Variants in FILIP1L observed in about 807,000 individuals in gnomAD.
FILIP1L encodes filamin A interacting protein 1 like.
A neutral mutation model predicts 96.6 loss-of-function variants in FILIP1L; 55 were observed. That is an observed-to-expected ratio of 0.57 (90% CI 0.46 to 0.71). The LOEUF (loss-of-function observed/expected upper bound fraction) is 0.71. Among genes scored for constraint, FILIP1L ranks in the 30% least tolerant of loss-of-function variants. FILIP1L has a pLI of 0.00. For missense variants in FILIP1L, 1,304 were observed against 1,321.2 expected (o/e 0.99, Z 0.20); for synonymous variants, 467 against 473.9 (o/e 0.99, Z 0.19).
Position 99,924,317 on chromosome 3 carries a change from A to G in FILIP1L, c.518T>C (p.Leu173Ser), listed in dbSNP as rs1707219132. 1 of 1,613,886 alleles carries G rather than the reference A, an allele frequency of 6.2e-7. No individual in the cohort carries two copies. Among genetic ancestry groups the G allele is most frequent in the African/African-American group, 1.3e-5 (1 of 75,010 alleles). ...VAEKSRRQTI[L>S]ELEEEKRKHK... ...TTTTCTCTTTTCTTCCTCCAACTCC[A>G]ATATGGTTTGCCTACGGGATTTTTC... Residue 173 changes from leucine to serine, a missense_variant, in exon 4 of 6, where the codon TTG (leucine) becomes TCG (serine). Coordinates refer to ENST00000477258, the MANE Select transcript of FILIP1L (RefSeq NM_001387850.1).
intron 4 of FILIP1L, among the ~76,000 whole-genome samples, chr3:99,919,282 C>CGGCACCA (rs1467039059): frequency 6.6e-6 from 1 of 151,568 alleles, no homozygotes; most frequent in African/African-American, 2.4e-5. Flanking sequence ...TTTTTTTCTA[C>CGGCACCA]CCGTCATGAA....
chr3:99,862,425 C>G (rs752871821), intron 4 of FILIP1L, among the ~76,000 whole-genome samples: 3 of 152,158 alleles, frequency 2.0e-5, no homozygotes, highest in Non-Finnish European at 4.4e-5. Context: ...TTTCATGGAT[C>G]TTTTCAGCTA....
chr3:99,907,255 T>G (rs1021764221), intron 4 of FILIP1L, among the ~76,000 whole-genome samples: 4 of 152,130 alleles, frequency 2.6e-5, no homozygotes, highest in African/African-American at 9.7e-5. Flanking sequence ...ATTTTCTTTT[T>G]TATTTTTTTT....
At chr3:99,907,175 C>G (rs1422874443) in intron 4 of FILIP1L, among the ~76,000 whole-genome samples, 2 of 152,148 alleles carry the variant, frequency 1.3e-5, no homozygotes, top group South Asian at 2.1e-4. Flanking sequence ...ACTCTTAATA[C>G]TTTGTCACGT....
chr3:99,973,970 T>C (rs1708896414), intron 1 of FILIP1L, among the ~76,000 whole-genome samples: 1 of 152,236 alleles, frequency 6.6e-6, no homozygotes, highest in South Asian at 2.1e-4. Context: ...TAACCCACAG[T>C]TCCAAATAGC....
chr3:99,988,087 ATCT>A (rs886122401), intron 1 of FILIP1L, among the ~76,000 whole-genome samples: 76 of 152,302 alleles, frequency 5.0e-4, no homozygotes, highest in African/African-American at 1.8e-3. Context: ...CTTCTTAAGA[ATCT>A]TCTTTTTATA....
chr3:99,944,499 C>G (rs1028994420), intron 1 of FILIP1L, among the ~76,000 whole-genome samples: 2 of 152,196 alleles, frequency 1.3e-5, no homozygotes, highest in Non-Finnish European at 2.9e-5. Flanking sequence ...TCTGCAGGCA[C>G]AATGCTAAGG....
At chr3:99,965,758 A>G (rs953616853) in intron 1 of FILIP1L, among the ~76,000 whole-genome samples, 5 of 152,194 alleles carry the variant, frequency 3.3e-5, no homozygotes, top group Non-Finnish European at 7.3e-5. Context: ...AATGAAGGTT[A>G]CCAGATGGAG....
chr3:99,971,148 T>G (rs371740660), intron 1 of FILIP1L, among the ~76,000 whole-genome samples: 3 of 152,030 alleles, frequency 2.0e-5, no homozygotes, highest in Non-Finnish European at 4.4e-5. Flanking sequence ...CCATCCTGGC[T>G]AACATGGTGA....
At chr3:99,992,061 G>A (rs1394560277) in intron 1 of FILIP1L, among the ~76,000 whole-genome samples, 1 of 148,774 alleles carries the variant, frequency 6.7e-6, no homozygotes, top group Non-Finnish European at 1.5e-5. Flanking sequence ...TCTTTATATA[G>A]TCCTCCATTA....
chr3:99,933,090 G>C (rs930953021), intron 1 of FILIP1L, among the ~76,000 whole-genome samples: 17 of 152,156 alleles, frequency 1.1e-4, no homozygotes, highest in African/African-American at 4.1e-4. Context: ...ACTTATTGAA[G>C]GTTGCACAGC....
intron 4 of FILIP1L, among the ~76,000 whole-genome samples, chr3:99,920,591 G>A (rs866992251): frequency 5.9e-5 from 9 of 152,288 alleles, no homozygotes; most frequent in African/African-American, 9.6e-5. Context: ...AGACCAAACC[G>A]CACAGATTAC....
chr3:99,871,292 C>T (rs1944773857), intron 4 of FILIP1L, among the ~76,000 whole-genome samples: 1 of 152,084 alleles, frequency 6.6e-6, no homozygotes, highest in Non-Finnish European at 1.5e-5. Context: ...CTCCACAGCC[C>T]ACTGTTTGCA....
chr3:100,105,769 T>G (rs1468089733), intron 1 of FILIP1L, among the ~76,000 whole-genome samples: 1 of 152,208 alleles, frequency 6.6e-6, no homozygotes, highest in Non-Finnish European at 1.5e-5. Context: ...AGCCCATGCT[T>G]CTTACTGTTG....
intron 5 of FILIP1L, chr3:99,833,258 C>A: frequency 6.2e-7 from 1 of 1,610,920 alleles, no homozygotes; most frequent in South Asian, 1.1e-5. Flanking sequence ...AGAAGTGGTT[C>A]CACCTAGGGA....
intron 5 of FILIP1L, 139 bp downstream of exon 5, chr3:99,848,156 T>C (rs1419312590): frequency 1.3e-6 from 2 of 1,526,878 alleles, no homozygotes; most frequent in Non-Finnish European, 1.8e-6. Context: ...GTATAGTTCA[T>C]GCACAAACCT....
intron 3 of FILIP1L, 21 bp downstream of exon 3, chr3:99,929,835 C>T (rs990845013): frequency 2.5e-6 from 4 of 1,573,086 alleles, no homozygotes; most frequent in East Asian, 2.3e-5. Flanking sequence ...CCCAGGTACA[C>T]ACCCCTATTG....
chr3:99,929,434 T>TC (rs1262823134), intron 3 of FILIP1L, among the ~76,000 whole-genome samples: 3 of 152,194 alleles, frequency 2.0e-5, no homozygotes, highest in Non-Finnish European at 4.4e-5. Flanking sequence ...ACATAATACC[T>TC]CAGTGTTTTC....
chr3:100,088,647 TGCA>T (rs2066052987), intron 1 of FILIP1L, among the ~76,000 whole-genome samples: 1 of 152,166 alleles, frequency 6.6e-6, no homozygotes, highest in Non-Finnish European at 1.5e-5. Context: ...TCTCCTTCTC[TGCA>T]GTTTTCTCTC....
Sources: allele counts gnomAD v4.1 joint callset (sites outside exome capture counted in the v4.1 genomes callset), GRCh38; gene constraint gnomAD v4.1.1; transcripts MANE v1.5; gene names NCBI Gene and HGNC (gene_info 2026-07-23, HGNC 2026-07-21).